UTRN: variants seen among roughly 807,000 people sequenced by gnomAD.
UTRN encodes the protein dystrophin-related protein 1.
A neutral mutation model predicts 463.9 loss-of-function variants in UTRN; 283 were observed. The observed-to-expected ratio is 0.61, with a 90% confidence interval of 0.55 to 0.67. UTRN has a LOEUF of 0.67. Among genes scored for constraint, UTRN ranks in the 30% least tolerant of loss-of-function variants. UTRN has a pLI of 0.00. For synonymous variants in UTRN, 1,442 were observed against 1,431.5 expected, an observed-to-expected ratio of 1.01 and a Z score of -0.17; for missense variants, 3,922 against 4,084.3, an observed-to-expected ratio of 0.96 and a Z score of 1.08.
chr6:144,459,591 A>T (rs1308933839), intron 21 of UTRN, among the ~76,000 whole-genome samples: 1 of 151,886 alleles, frequency 6.6e-6, no homozygotes, highest in African/African-American at 2.4e-5. Flanking sequence ...AGTAGGATAT[A>T]ATAATAATTT....
At chr6:144,327,780 TA>T (rs1776064913) in intron 2 of UTRN, among the ~76,000 whole-genome samples, 1 of 151,810 alleles carries the variant, frequency 6.6e-6, no homozygotes, top group Non-Finnish European at 1.5e-5. Context: ...CCGTCTCTAC[TA>T]AAAATAACAA....
intron 2 of UTRN, among the ~76,000 whole-genome samples, chr6:144,390,991 ATAT>A (rs373770333): frequency 0.75 from 113,355 of 152,050 alleles, 42,989 homozygotes; most frequent in African/African-American, 0.89. Flanking sequence ...ACTAATTGTT[ATAT>A]TTAATAACAA....
intron 2 of UTRN, 36 bp downstream of exon 2, chr6:144,291,943 T>A: frequency 6.3e-7 from 1 of 1,586,468 alleles, no homozygotes; most frequent in Non-Finnish European, 8.6e-7. Flanking sequence ...TATGGATTTT[T>A]ATGTATTTAG....
Position 144,513,026 on chromosome 6 carries a change from G to C in UTRN, c.4945-883G>C, listed in dbSNP as rs1795308361. ...TCTAACTTCTTGCCTTAGATTAACT[G>C]TTTTTCCCAGTCATAATCTGCTTAA... On this transcript the variant is annotated intron_variant, in intron 35 of 74. Coordinates refer to ENST00000367545, the MANE Select transcript of UTRN (RefSeq NM_007124.3). 2.0e-5 allele frequency among the ~76,000 whole-genome samples: 3 copies of C among 152,212 alleles called. No homozygotes were observed. The South Asian group carries it at 6.2e-4, about 32-fold the overall frequency.
intron 19 of UTRN, among the ~76,000 whole-genome samples, chr6:144,455,007 C>T (rs1418088216): frequency 6.6e-6 from 1 of 152,034 alleles, no homozygotes; most frequent in Non-Finnish European, 1.5e-5. Flanking sequence ...ATTATTTTGC[C>T]TCCAGCCTTT....
intron 51 of UTRN, among the ~76,000 whole-genome samples, chr6:144,587,066 A>AT (rs1449556114): frequency 6.6e-6 from 1 of 152,174 alleles, no homozygotes; most frequent in Non-Finnish European, 1.5e-5. Context: ...GTAGTGTATA[A>AT]TTTTGTTCTT....
In UTRN at chr6:144,433,217, G is replaced by A. The variant is rs879694989; in HGVS notation, c.856-2718G>A. On this transcript the variant is annotated intron_variant, in intron 9 of 74. Coordinates refer to ENST00000367545, the MANE Select transcript of UTRN (RefSeq NM_007124.3). ...GCTGTTGGGTACACCTCCCAGACGGGGTGGTGGCCGGGCAGAGGGGCTCCT... is the reference window on the plus strand; with the variant it reads ...GCTGTTGGGTACACCTCCCAGACGGAGTGGTGGCCGGGCAGAGGGGCTCCT... Among the ~76,000 whole-genome samples, 288 of 152,164 alleles carry A rather than the reference G, an allele frequency of 1.9e-3. 1 individual carries two copies. Among genetic ancestry groups the A allele is most frequent in the African/African-American group, 5.7e-3 (237 of 41,532 alleles).
At chr6:144,811,526 T>C (rs1175968880) in intron 65 of UTRN, among the ~76,000 whole-genome samples, 1 of 152,168 alleles carries the variant, frequency 6.6e-6, no homozygotes, top group African/African-American at 2.4e-5. Context: ...AAAATCCATT[T>C]TATTTTGGAT....
chr6:144,434,319 AG>A (rs1786311610), intron 9 of UTRN, among the ~76,000 whole-genome samples: 1 of 134,378 alleles, frequency 7.4e-6, no homozygotes, highest in Admixed American at 7.7e-5. Context: ...GCTCGGCATC[AG>A]AGGGAGACCG....
intron 34 of UTRN, among the ~76,000 whole-genome samples, chr6:144,499,947 A>G (rs1362472974): frequency 2.0e-5 from 3 of 152,194 alleles, no homozygotes; most frequent in African/African-American, 4.8e-5. Context: ...ACATGATTTC[A>G]TTCTTTTTTA....
intron 51 of UTRN, among the ~76,000 whole-genome samples, chr6:144,676,120 A>G (rs1288660871): frequency 1.3e-5 from 2 of 151,510 alleles, no homozygotes; most frequent in Non-Finnish European, 1.5e-5. Context: ...CAGATAATGC[A>G]TGCAATTGTT....
Position 144,539,359 on chromosome 6 carries a change from G to A in UTRN, c.6435G>A (p.Glu2145=), listed in dbSNP as rs1354374188. The change falls in exon 45 of 75, where the codon GAG becomes GAA. Residue 2145 remains glutamate, a synonymous_variant. Transcript: ENST00000367545. ...KLKWLNRTEL[E]MLSDKSLSLP... is the part of the protein sequence containing the mutation. ...AATGGCTGAATAGAACTGAATTGGA[G>A]ATGCTTTCAGATAAAAGTCTGAGTT... 6 of 1,613,474 alleles carry A rather than the reference G, an allele frequency of 3.7e-6. No individual in the cohort carries two copies. The highest frequency in any genetic ancestry group is 1.3e-5 in the African/African-American group (1 of 75,038).
At chr6:144,393,452 A>T in intron 2 of UTRN, among the ~76,000 whole-genome samples, 1 of 152,376 alleles carries the variant, frequency 6.6e-6, no homozygotes. Context: ...GAAATCTTCT[A>T]AAGTATATTA....
At chr6:144,453,669 C>T in intron 18 of UTRN, 113 bp from the exon 19 acceptor site, 6 of 827,374 alleles carry the variant, frequency 7.3e-6, no homozygotes, top group Admixed American at 2.6e-5. Flanking sequence ...TTGAATTTAC[C>T]TTTTCAGATT....
chr6:144,764,823 A>C (rs191731529), intron 58 of UTRN, among the ~76,000 whole-genome samples: 228 of 152,188 alleles, frequency 1.5e-3, no homozygotes, highest in African/African-American at 5.2e-3. Context: ...TAAAGTAGTA[A>C]TTTTTTTTAA....
At chr6:144,320,029 T>G (rs1775536547) in intron 2 of UTRN, among the ~76,000 whole-genome samples, 1 of 151,936 alleles carries the variant, frequency 6.6e-6, no homozygotes, top group African/African-American at 2.4e-5. Flanking sequence ...AGTTTTTGTA[T>G]TTTTGGTAGA....
intron 9 of UTRN, among the ~76,000 whole-genome samples, chr6:144,432,468 G>T (rs1014631348): frequency 6.6e-6 from 1 of 152,164 alleles, no homozygotes; most frequent in Non-Finnish European, 1.5e-5. Flanking sequence ...GCCAGTGAAA[G>T]GTTTTCAGCA....
At chr6:144,843,871 G>A (rs531815996) in intron 73 of UTRN, among the ~76,000 whole-genome samples, 2 of 150,498 alleles carry the variant, frequency 1.3e-5, no homozygotes, top group South Asian at 2.1e-4. Context: ...TATTGGTTTG[G>A]AGCAGCTGGC....
chr6:144,656,116 T>C (rs1476267837), intron 51 of UTRN, among the ~76,000 whole-genome samples: 2 of 152,318 alleles, frequency 1.3e-5, no homozygotes, highest in African/African-American at 4.8e-5. Context: ...GGTTATTCAG[T>C]GTTGATCTGA....
Sources: gnomAD v4.1 joint callset for allele counts (sites outside exome capture counted in the v4.1 genomes callset) on GRCh38, gnomAD v4.1.1 for gene constraint, MANE v1.5 for transcripts, NCBI Gene and HGNC (gene_info 2026-07-23, HGNC 2026-07-21) for gene names.